Variants in NRXN3 observed in about 807,000 individuals in gnomAD.
The protein encoded by NRXN3 is neurexin 3.
A neutral mutation model predicts 137.6 loss-of-function variants in NRXN3; 32 were observed. The ratio of observed to expected loss-of-function variants is 0.23; its 90% CI spans 0.18 to 0.31. The LOEUF (loss-of-function observed/expected upper bound fraction) is 0.31. Among genes scored for constraint, NRXN3 ranks in the 10% least tolerant of loss-of-function variants. NRXN3 has a pLI of 1.00. For synonymous variants in NRXN3, 798 were observed against 784.5 expected (o/e 1.02, Z -0.29); for missense variants, 1,574 against 2,062.5 (o/e 0.76, Z 4.59).
intron 20 of NRXN3, among the ~76,000 whole-genome samples, chr14:79,822,926 A>G (rs867001250): frequency 3.9e-5 from 6 of 152,324 alleles, no homozygotes; most frequent in South Asian, 2.1e-4. Flanking sequence ...ACTTCTAAGG[A>G]CTGTGTGGAA....
At chr14:79,209,988 G>C (rs1302842692) in intron 15 of NRXN3, among the ~76,000 whole-genome samples, 1 of 152,160 alleles carries the variant, frequency 6.6e-6, no homozygotes, top group Non-Finnish European at 1.5e-5. Context: ...CAATGGCATT[G>C]GTCATTTGGT....
intron 19 of NRXN3, among the ~76,000 whole-genome samples, chr14:79,792,759 C>A (rs907454433): frequency 1.3e-5 from 2 of 152,182 alleles, no homozygotes; most frequent in Admixed American, 1.3e-4. Context: ...AGCTGGCTTT[C>A]AAAATCCTTT....
Position 78,297,812 on chromosome 14 carries a change from C to G in NRXN3, c.728-19C>G. 1 of 1,524,180 alleles carries G rather than the reference C, an allele frequency of 6.6e-7. No homozygotes were observed. The highest frequency in any genetic ancestry group is 2.4e-5 in the East Asian group (1 of 40,860). 94.4% of individuals were successfully genotyped at this position (1,524,180 alleles called of 1,614,324 possible). On this transcript the variant is annotated intron_variant, in intron 3 of 20. Transcript: ENST00000335750. Reference sequence around the variant, plus strand: ...CCTTCCCCACTCCTCTTCCCTTTCTCCCTGTTTCTCTTCCTCAGGCCTCTC... The same window carrying G: ...CCTTCCCCACTCCTCTTCCCTTTCTGCCTGTTTCTCTTCCTCAGGCCTCTC...
chr14:79,098,038 G>C (rs1246541887), intron 15 of NRXN3, among the ~76,000 whole-genome samples: 3 of 152,134 alleles, frequency 2.0e-5, no homozygotes. Flanking sequence ...AAGTCTCCTG[G>C]GATGCTGCCT....
At chr14:79,279,443 A>G (rs1208805678) in intron 15 of NRXN3, 2 of 985,478 alleles carry the variant, frequency 2.0e-6, no homozygotes, top group Non-Finnish European at 2.4e-6. Context: ...CCTCTCGGCC[A>G]CCTCTGCAGC....
At chr14:79,231,909 T>C (rs2072277839) in intron 15 of NRXN3, among the ~76,000 whole-genome samples, 2 of 152,048 alleles carry the variant, frequency 1.3e-5, no homozygotes, top group Non-Finnish European at 2.9e-5. Flanking sequence ...TAGGGGGTGA[T>C]AGGAGAGGGA....
intron 15 of NRXN3, among the ~76,000 whole-genome samples, chr14:79,432,894 C>T (rs962583452): frequency 6.6e-6 from 1 of 152,176 alleles, no homozygotes. Flanking sequence ...TATTATTTCA[C>T]ACTGCAGTAA....
At chr14:79,400,451 AT>A (rs1213586156) in intron 15 of NRXN3, among the ~76,000 whole-genome samples, 2 of 152,104 alleles carry the variant, frequency 1.3e-5, no homozygotes, top group African/African-American at 4.8e-5. Flanking sequence ...TTGCAGTATG[AT>A]TTTTTCCATT....
intron 4 of NRXN3, among the ~76,000 whole-genome samples, chr14:78,329,837 A>AT (rs1425873584): frequency 6.6e-6 from 1 of 152,106 alleles, no homozygotes; most frequent in Non-Finnish European, 1.5e-5. Context: ...TAGGAAGCTC[A>AT]TTTTTCTCAT....
chr14:78,515,204 G>T (rs982402566), intron 4 of NRXN3, among the ~76,000 whole-genome samples: 7 of 152,146 alleles, frequency 4.6e-5, no homozygotes, highest in African/African-American at 1.4e-4. Flanking sequence ...GGGAAGTGAA[G>T]AATGTAACTG....
intron 16 of NRXN3, among the ~76,000 whole-genome samples, chr14:79,505,115 C>T (rs1422960836): frequency 2.7e-5 from 4 of 150,388 alleles, no homozygotes; most frequent in South Asian, 2.1e-4. Flanking sequence ...CTGGGGAGGC[C>T]GAGGCAGGAG....
chr14:78,869,605 C>T (rs1476066164), intron 10 of NRXN3, among the ~76,000 whole-genome samples: 1 of 152,090 alleles, frequency 6.6e-6, no homozygotes, highest in African/African-American at 2.4e-5. Context: ...TGCCTCCATA[C>T]CTTTTCCTCT....
intron 15 of NRXN3, among the ~76,000 whole-genome samples, chr14:79,049,665 A>G (rs958806241): frequency 3.9e-5 from 6 of 152,142 alleles, no homozygotes; most frequent in Non-Finnish European, 8.8e-5. Flanking sequence ...CACTACCTAT[A>G]TTAGCTATAG....
Position 78,988,139 on chromosome 14 carries a change from A to T in NRXN3, c.3260A>T (p.Asp1087Val). Residue 1087 changes from aspartate (D) to valine (V), a missense_variant and splice_region_variant, in exon 15 of 21, where the codon GAT (aspartate) becomes GTT (valine). Transcript: ENST00000335750. ...TCTTATTCTGGAAACCAGTGCAATGATCGTAAGTACAACAACCTTTCATAC... is the reference window on the plus strand; with the variant it reads ...TCTTATTCTGGAAACCAGTGCAATGTTCGTAAGTACAACAACCTTTCATAC... Reference protein sequence around the residue: ...MTSYSGNQCNDPGATYIFGKS... With the variant: ...MTSYSGNQCNVPGATYIFGKS... 3 of 1,613,802 alleles carry T rather than the reference A, an allele frequency of 1.9e-6. No individual in the cohort carries two copies. Among genetic ancestry groups the T allele is most frequent in the Non-Finnish European group, 2.5e-6 (3 of 1,179,798 alleles).
At chr14:79,153,104 A>G (rs556291465) in intron 15 of NRXN3, among the ~76,000 whole-genome samples, 2 of 152,102 alleles carry the variant, frequency 1.3e-5, no homozygotes, top group African/African-American at 4.8e-5. Flanking sequence ...AAGGAGGTGG[A>G]GAATGAGCTT....
chr14:78,471,396 C>T (rs549125054), intron 4 of NRXN3, among the ~76,000 whole-genome samples: 4 of 151,840 alleles, frequency 2.6e-5, no homozygotes, highest in African/African-American at 9.7e-5. Context: ...CAGCAATGAC[C>T]GTCAGCATGA....
intron 4 of NRXN3, among the ~76,000 whole-genome samples, chr14:78,365,077 A>G (rs899136868): frequency 6.6e-6 from 1 of 152,124 alleles, no homozygotes; most frequent in Non-Finnish European, 1.5e-5. Context: ...ATTAATCTAC[A>G]TCTCATTCTT....
chr14:79,825,306 G>A (rs2099292658), intron 20 of NRXN3, among the ~76,000 whole-genome samples: 1 of 148,698 alleles, frequency 6.7e-6, no homozygotes, highest in Admixed American at 6.8e-5. Flanking sequence ...GCTTGAACTC[G>A]ATAAATGTGT....
chr14:79,483,162 G>T (rs1172351085), intron 16 of NRXN3, among the ~76,000 whole-genome samples: 2 of 152,146 alleles, frequency 1.3e-5, no homozygotes, highest in Non-Finnish European at 1.5e-5. Flanking sequence ...TTCAAAGAAT[G>T]ATATTTTGTA....
Sources: allele counts gnomAD v4.1 joint callset (sites outside exome capture counted in the v4.1 genomes callset), GRCh38; gene constraint gnomAD v4.1.1; transcripts MANE v1.5; gene names NCBI Gene and HGNC (gene_info 2026-07-23, HGNC 2026-07-21).